Variants in CDK5RAP2 observed in about 807,000 individuals in gnomAD.
The protein encoded by CDK5RAP2 is CDK5 regulatory subunit-associated protein 2.
Under a neutral mutation model 232.9 loss-of-function variants are expected in CDK5RAP2, and 147 were observed. The observed-to-expected ratio is 0.63, with a 90% CI of 0.55 to 0.72. CDK5RAP2 has a LOEUF of 0.72. Ranked by LOEUF, CDK5RAP2 falls within the 30% of genes least tolerant of loss-of-function variation. The pLI, the probability that CDK5RAP2 is intolerant of heterozygous loss-of-function variation, is 0.00. For synonymous variants in CDK5RAP2, 833 were observed against 833.7 expected (o/e 1.00, Z 0.01); for missense variants, 2,195 against 2,231.5 (o/e 0.98, Z 0.33).
intron 25 of CDK5RAP2, among the ~76,000 whole-genome samples, chr9:120,435,649 G>A (rs1020435902): frequency 1.3e-5 from 2 of 152,074 alleles, no homozygotes; most frequent in South Asian, 4.1e-4. Context: ...AGTACAGGAT[G>A]AGCATGGAAA....
intron 27 of CDK5RAP2, among the ~76,000 whole-genome samples, chr9:120,415,605 T>G (rs779628319): frequency 2.0e-5 from 3 of 152,282 alleles, no homozygotes; most frequent in Non-Finnish European, 4.4e-5. Flanking sequence ...GTTATCCATT[T>G]ATCATTTACT....
chr9:120,464,751 G>A (rs1288142298), intron 18 of CDK5RAP2, among the ~76,000 whole-genome samples: 2 of 151,700 alleles, frequency 1.3e-5, no homozygotes, highest in African/African-American at 2.4e-5. Flanking sequence ...TCCCATCTCC[G>A]CCACTAGCAT....
chr9:120,492,335 T>C (rs2038951139), intron 12 of CDK5RAP2, among the ~76,000 whole-genome samples: 1 of 152,130 alleles, frequency 6.6e-6, no homozygotes, highest in South Asian at 2.1e-4. Context: ...TTTTGTTAAG[T>C]GTGTGTGGCA....
intron 12 of CDK5RAP2, among the ~76,000 whole-genome samples, chr9:120,507,747 T>C (rs1252983762): frequency 1.3e-5 from 2 of 151,500 alleles, no homozygotes; most frequent in African/African-American, 4.9e-5. Flanking sequence ...TGATTTAAAG[T>C]TAGTGCTGCC....
chr9:120,525,863 C>T (rs1201325828), intron 10 of CDK5RAP2, among the ~76,000 whole-genome samples: 1 of 152,192 alleles, frequency 6.6e-6, no homozygotes, highest in Non-Finnish European at 1.5e-5. Context: ...AGCGATCCTC[C>T]GACCTCAGCC....
At position 120,423,920 on chromosome 9, in the gene CDK5RAP2, G is replaced by A. The variant is rs148074619; in HGVS notation, c.3956-1179C>T. Among the ~76,000 whole-genome samples, 471 of 152,186 alleles carry A rather than the reference G, an allele frequency of 3.1e-3. 5 individuals are homozygous for A. Among genetic ancestry groups the A allele is most frequent in the African/African-American group, 0.01 (433 of 41,536 alleles). On this transcript the variant is annotated intron_variant, in intron 25 of 37. Coordinates refer to ENST00000349780, the MANE Select transcript of CDK5RAP2 (RefSeq NM_018249.6). ...GGTATGGCCATCCAGGTTCCCTATC[G>A]CCCACCAGGCCAGCCACCTGGGCAC...
chr9:120,444,174 G>A (rs917711422), intron 22 of CDK5RAP2, among the ~76,000 whole-genome samples: 2 of 152,248 alleles, frequency 1.3e-5, no homozygotes, highest in Non-Finnish European at 2.9e-5. Context: ...AGCACTTCGG[G>A]AGGCCGAGGC....
At chr9:120,561,471 AT>A (rs979141483) in intron 3 of CDK5RAP2, among the ~76,000 whole-genome samples, 2 of 151,120 alleles carry the variant, frequency 1.3e-5, no homozygotes, top group Non-Finnish European at 3.0e-5. Flanking sequence ...TAACTTTTTA[AT>A]TTTTTTTTGT....
intron 12 of CDK5RAP2, among the ~76,000 whole-genome samples, chr9:120,508,277 C>T (rs1057054068): frequency 2.0e-5 from 3 of 152,100 alleles, no homozygotes; most frequent in Non-Finnish European, 2.9e-5. Flanking sequence ...GTTCAAGCCA[C>T]GTTTTGTGGA....
At chr9:120,411,666 C>T (rs2033857256) in intron 28 of CDK5RAP2, among the ~76,000 whole-genome samples, 192 bp from the exon 29 acceptor site, 2 of 152,132 alleles carry the variant, frequency 1.3e-5, no homozygotes, top group Non-Finnish European at 2.9e-5. Context: ...AGGAAGGGCT[C>T]CCCCACATCT....
At chr9:120,559,505 A>G (rs1431753283) in intron 3 of CDK5RAP2, among the ~76,000 whole-genome samples, 22 of 148,466 alleles carry the variant, frequency 1.5e-4, no homozygotes, top group Admixed American at 6.0e-4. Context: ...AAAAAAAAAA[A>G]AAAGAAAACA....
At chr9:120,427,883 G>T (rs2131412815) in intron 25 of CDK5RAP2, among the ~76,000 whole-genome samples, 1 of 152,224 alleles carries the variant, frequency 6.6e-6, no homozygotes, top group Middle Eastern at 3.4e-3. Context: ...AAATGTAAAA[G>T]AACAGAAATT....
rs1253111726 is a variant in CDK5RAP2, at chr9:120,538,981, T to C, written c.507+60A>G. On this transcript the variant is annotated intron_variant, in intron 6 of 37. Coordinates refer to ENST00000349780, the MANE Select transcript of CDK5RAP2 (RefSeq NM_018249.6). ...GTTTATAAAAAAAGAAACAAAACTGTGCCAGCCTATTATTAACCCACTATA... is the reference window on the plus strand; with the variant it reads ...GTTTATAAAAAAAGAAACAAAACTGCGCCAGCCTATTATTAACCCACTATA... 3.1e-5 allele frequency: 49 copies of C among 1,572,426 alleles called. 1 individual carries two copies. In the Admixed American group the frequency reaches 7.8e-4, roughly 25 times the overall value.
intron 10 of CDK5RAP2, among the ~76,000 whole-genome samples, chr9:120,527,142 G>A (rs936950746): frequency 6.6e-6 from 1 of 152,124 alleles, no homozygotes; most frequent in Admixed American, 6.5e-5. Flanking sequence ...GGACACAATA[G>A]GTTGCCATAG....
Position 120,407,243 on chromosome 9 carries a change from A to C in CDK5RAP2, c.4732T>G (p.Ser1578Ala). Residue 1578 changes from serine (S) to alanine (A), a missense_variant, in exon 32 of 38, where the codon TCG (serine) becomes GCG (alanine). Ser to Ala is a moderately conservative substitution (Grantham distance 99, BLOSUM62 1). Coordinates refer to ENST00000349780, the MANE Select transcript of CDK5RAP2 (RefSeq NM_018249.6). The stretch of plus-strand genomic sequence containing the variant: ...TCCTGCCCCTTCCAGCCTTCTCCCG[A>C]CGCCTCTGAGGACATGTGCAAAGAG... ...DEEHRRLREA[S>A]GEGWKGQDPF... 1 of 1,611,248 alleles carries C rather than the reference A, an allele frequency of 6.2e-7. No individual in the cohort carries two copies. Among genetic ancestry groups the C allele is most frequent in the Non-Finnish European group, 8.5e-7 (1 of 1,179,090 alleles).
chr9:120,391,444 G>A (rs906358836), intron 36 of CDK5RAP2, among the ~76,000 whole-genome samples: 3 of 152,222 alleles, frequency 2.0e-5, no homozygotes, highest in South Asian at 2.1e-4. Context: ...CTCAGTCCAT[G>A]GTTCTTCCCA....
In CDK5RAP2 at chr9:120,437,476, C is replaced by T. The variant is rs2035652086; in HGVS notation, c.3774G>A (p.Gln1258=). The change falls in exon 25 of 38, where the codon CAG becomes CAA. Residue 1258 remains glutamine (Q), a synonymous_variant. Coordinates refer to ENST00000349780, the MANE Select transcript of CDK5RAP2 (RefSeq NM_018249.6). The part of the protein sequence containing the change: ...SQARELSLQR[Q]QIKDGHGICV... The stretch of plus-strand genomic sequence containing the variant: ...AGATGCCATGGCCATCCTTAATCTG[C>T]TGCCGTTGAAGGGAGAGCTCCCTGG... The T allele has an allele frequency of 6.2e-7, 1 of 1,614,028 alleles. No homozygotes were observed. Among genetic ancestry groups the T allele is most frequent in the Non-Finnish European group, 8.5e-7 (1 of 1,180,004 alleles).
intron 23 of CDK5RAP2, among the ~76,000 whole-genome samples, chr9:120,442,524 A>G (rs2035958715): frequency 6.6e-6 from 1 of 152,242 alleles, no homozygotes; most frequent in South Asian, 2.1e-4. Flanking sequence ...AAGTTCTGGA[A>G]GCACATTCAG....
intron 19 of CDK5RAP2, among the ~76,000 whole-genome samples, 179 bp from the exon 20 acceptor site, chr9:120,458,801 G>A (rs2036929963): frequency 6.6e-6 from 1 of 152,132 alleles, no homozygotes; most frequent in South Asian, 2.1e-4. Flanking sequence ...ACACAGGCAT[G>A]CAGGTGCATA....
Sources: gnomAD v4.1 joint callset for allele counts (sites outside exome capture counted in the v4.1 genomes callset) on GRCh38, gnomAD v4.1.1 for gene constraint, MANE v1.5 for transcripts, NCBI Gene and HGNC (gene_info 2026-07-23, HGNC 2026-07-21) for gene names.